TLN2: variants seen among roughly 807,000 people sequenced by gnomAD.
TLN2 encodes the protein talin-2.
TLN2 carries 118 observed loss-of-function variants against 294.7 expected under a neutral mutation model. That is an observed-to-expected ratio of 0.40 (90% confidence interval 0.34 to 0.47). TLN2 has a LOEUF of 0.47. Among genes scored for constraint, TLN2 ranks in the 20% least tolerant of loss-of-function variants. The pLI, the probability that TLN2 is intolerant of heterozygous loss-of-function variation, is 0.84. For synonymous variants in TLN2, 1,431 were observed against 1,304.5 expected, an observed-to-expected ratio of 1.10 and a Z score of -2.09; for missense variants, 3,083 against 3,282.2, an observed-to-expected ratio of 0.94 and a Z score of 1.48.
chr15:62,626,594 C>A (rs373897824), intron 3 of TLN2, among the ~76,000 whole-genome samples: 6 of 151,064 alleles, frequency 4.0e-5, no homozygotes, highest in African/African-American at 1.5e-4. Context: ...CTGATCTGGG[C>A]AAGTCAGCGA....
chr15:62,706,945 T>C (rs926750615), intron 19 of TLN2, 141 bp from the exon 20 acceptor site: 6 of 991,532 alleles, frequency 6.1e-6, no homozygotes, highest in Middle Eastern at 6.4e-4. Flanking sequence ...TAAGGATAAG[T>C]TGACATTTCA....
chr15:62,606,020 C>T (rs1321436434), intron 2 of TLN2, among the ~76,000 whole-genome samples: 3 of 152,060 alleles, frequency 2.0e-5, no homozygotes, highest in African/African-American at 4.8e-5. Flanking sequence ...TAGTGTTAGT[C>T]GATAGTGCTA....
chr15:62,473,876 C>T (rs1370561853), intron 1 of TLN2, among the ~76,000 whole-genome samples: 1 of 152,040 alleles, frequency 6.6e-6, no homozygotes, highest in Non-Finnish European at 1.5e-5. Context: ...GGTGGATCAC[C>T]TGAGGTCAGG....
At chr15:62,506,665 G>T (rs987647370) in intron 1 of TLN2, among the ~76,000 whole-genome samples, 2 of 152,188 alleles carry the variant, frequency 1.3e-5, no homozygotes, top group Non-Finnish European at 2.9e-5. Flanking sequence ...TTTCCCTAGG[G>T]TCTTGCATAC....
At chr15:62,580,414 C>CCCTCCCTCCCTT (rs2044845448) in intron 1 of TLN2, among the ~76,000 whole-genome samples, 21 of 143,700 alleles carry the variant, frequency 1.5e-4, no homozygotes, top group African/African-American at 5.2e-4. Context: ...CTCCCTCCCT[C>CCCTCCCTCCCTT]CCTCCCTCCC....
At chr15:62,784,252 C>T (rs905606910) in intron 45 of TLN2, 41 of 373,794 alleles carry the variant, frequency 1.1e-4, no homozygotes, top group African/African-American at 8.3e-4. Context: ...ACATCCCCCG[C>T]AATTATTTTT....
intron 1 of TLN2, among the ~76,000 whole-genome samples, chr15:62,457,605 G>A (rs2036557129): frequency 6.6e-6 from 1 of 152,180 alleles, no homozygotes; most frequent in African/African-American, 2.4e-5. Context: ...TGGGAGAGAG[G>A]GACAGCGTTC....
chr15:62,564,570 G>A (rs893033871), intron 1 of TLN2, among the ~76,000 whole-genome samples: 1 of 152,016 alleles, frequency 6.6e-6, no homozygotes, highest in African/African-American at 2.4e-5. Context: ...TACTTTTGTG[G>A]TGTTTTTCCT....
intron 2 of TLN2, among the ~76,000 whole-genome samples, chr15:62,603,443 G>A (rs1366798651): frequency 2.6e-5 from 4 of 152,112 alleles, no homozygotes; most frequent in Non-Finnish European, 5.9e-5. Flanking sequence ...CATAGAGAGA[G>A]AGAGAGAGAG....
chr15:62,456,540 G>A (rs1413231795), intron 1 of TLN2, among the ~76,000 whole-genome samples: 2 of 152,202 alleles, frequency 1.3e-5, no homozygotes, highest in Admixed American at 6.5e-5. Flanking sequence ...TTGGTATTCA[G>A]AATTCACATT....
chr15:62,742,072 T>TGTGTGTGAGTGA (rs1272145437), intron 32 of TLN2, among the ~76,000 whole-genome samples: 2 of 142,408 alleles, frequency 1.4e-5, no homozygotes, highest in Non-Finnish European at 3.1e-5. Flanking sequence ...TGTGTGTGTG[T>TGTGTGTGAGTGA]GTGAAGGGTT....
At chr15:62,695,345 G>A (rs981316066) in intron 14 of TLN2, among the ~76,000 whole-genome samples, 42 of 152,310 alleles carry the variant, frequency 2.8e-4, no homozygotes, top group South Asian at 2.1e-4. Context: ...AAGGTCTAGC[G>A]ATGGGGACAA....
At chr15:62,397,401 G>A (rs1269519346) in intron 1 of TLN2, among the ~76,000 whole-genome samples, 3 of 152,146 alleles carry the variant, frequency 2.0e-5, no homozygotes, top group African/African-American at 4.8e-5. Context: ...GTGGCTACAG[G>A]AACTTGCCAC....
At chr15:62,646,806 G>A (rs1240332905) in intron 3 of TLN2, among the ~76,000 whole-genome samples, 1 of 152,206 alleles carries the variant, frequency 6.6e-6, no homozygotes, top group Non-Finnish European at 1.5e-5. Context: ...GCCAAGAGGA[G>A]CACCTGAGAG....
chr15:62,581,645 T>C (rs189167348), intron 1 of TLN2, among the ~76,000 whole-genome samples: 2 of 152,284 alleles, frequency 1.3e-5, no homozygotes, highest in Admixed American at 6.5e-5. Context: ...TTGTTTGCTT[T>C]GGAGGTGGGA....
At chr15:62,733,975 T>A (rs1421502584) in intron 28 of TLN2, 1 of 152,200 alleles carries the variant, frequency 6.6e-6, no homozygotes, top group Non-Finnish European at 1.5e-5. Flanking sequence ...CCATGGGTGT[T>A]CACTGGGCTT....
chr15:62,671,377 T>C (rs1399926075), intron 9 of TLN2, among the ~76,000 whole-genome samples: 1 of 152,240 alleles, frequency 6.6e-6, no homozygotes, highest in Non-Finnish European at 1.5e-5. Flanking sequence ...AAAGATTTAC[T>C]CCTGTATTTT....
chr15:62,766,804 T>C (rs1451786214), intron 41 of TLN2, among the ~76,000 whole-genome samples: 2 of 152,196 alleles, frequency 1.3e-5, no homozygotes, highest in Admixed American at 1.3e-4. Context: ...CATTCTGGTA[T>C]GTTTAAGGGT....
intron 1 of TLN2, among the ~76,000 whole-genome samples, chr15:62,459,164 C>A (rs1326387339): frequency 6.6e-6 from 1 of 152,058 alleles, no homozygotes; most frequent in Non-Finnish European, 1.5e-5. Context: ...CCAAGCCTGG[C>A]TAATTTTTTG....
Sources: gnomAD v4.1 joint callset for allele counts (sites outside exome capture counted in the v4.1 genomes callset) on GRCh38, gnomAD v4.1.1 for gene constraint, MANE v1.5 for transcripts, NCBI Gene and HGNC (gene_info 2026-07-23, HGNC 2026-07-21) for gene names.